The following FBXO4 variants were observed in gnomAD, a reference collection of about 807,000 sequenced individuals.
The protein encoded by FBXO4 is F-box protein 4.
Under a neutral mutation model 43.7 loss-of-function variants are expected in FBXO4, and 36 were observed. The ratio of observed to expected loss-of-function variants is 0.82; its 90% CI spans 0.63 to 1.09. The LOEUF (loss-of-function observed/expected upper bound fraction) is 1.09. Ranked by LOEUF, FBXO4 falls within the 50% of genes least tolerant of loss-of-function variation. The pLI is 0.00. For missense variants in FBXO4, 435 were observed against 474.1 expected (o/e 0.92, Z 0.77); for synonymous variants, 180 against 165.6 (o/e 1.09, Z -0.67).
At chr5:42,030,093 T>C in the FBXO4 span, among the ~76,000 whole-genome samples, 1 of 152,014 alleles carries the variant, frequency 6.6e-6, no homozygotes, top group African/African-American at 2.4e-5. Context: ...CTTCACAGAA[T>C]TGGAAAAAAA....
At chr5:41,998,352 G>A in the FBXO4 span, among the ~76,000 whole-genome samples, 793 of 152,286 alleles carry the variant, frequency 5.2e-3, 9 homozygotes, top group African/African-American at 0.018. Flanking sequence ...AAAGGCATTG[G>A]TTAAGGGTGT....
At chr5:41,998,932 C>T in the FBXO4 span, among the ~76,000 whole-genome samples, 19 of 152,192 alleles carry the variant, frequency 1.2e-4, no homozygotes, top group East Asian at 9.7e-4. Flanking sequence ...AGTTAGAATC[C>T]GTGAGTTCAT....
the FBXO4 span, among the ~76,000 whole-genome samples, chr5:41,948,316 T>C: frequency 3.9e-5 from 6 of 152,068 alleles, no homozygotes; most frequent in African/African-American, 1.2e-4. Context: ...TTTGTATTTT[T>C]AGTAGAGACG....
At chr5:42,019,094 T>C in the FBXO4 span, among the ~76,000 whole-genome samples, 1 of 152,210 alleles carries the variant, frequency 6.6e-6, no homozygotes, top group Non-Finnish European at 1.5e-5. Context: ...TTAATTTCAG[T>C]ACATTTGAAG....
At chr5:41,958,131 ATTT>A in the FBXO4 span, among the ~76,000 whole-genome samples, 133 of 128,776 alleles carry the variant, frequency 1.0e-3, 1 homozygote, top group African/African-American at 3.7e-3. Context: ...CTGTTAACAA[ATTT>A]TTTTTTTTTT....
At chr5:41,967,998 G>A in the FBXO4 span, 2 of 436,456 alleles carry the variant, frequency 4.6e-6, no homozygotes, top group South Asian at 3.7e-5. Context: ...GCCCTTTGTT[G>A]CCAGAGGCCA....
chr5:42,017,104 A>G, the FBXO4 span, among the ~76,000 whole-genome samples: 7 of 152,054 alleles, frequency 4.6e-5, no homozygotes, highest in Non-Finnish European at 7.4e-5. Context: ...TATAGATATA[A>G]CATATGTATC....
the FBXO4 span, among the ~76,000 whole-genome samples, chr5:42,013,297 G>A: frequency 3.9e-5 from 6 of 152,158 alleles, no homozygotes; most frequent in East Asian, 1.2e-3. Context: ...AAGATTGTTA[G>A]GAAAGAAAGG....
chr5:41,942,927 A>G (rs1424072862), downstream of FBXO4, among the ~76,000 whole-genome samples: 1 of 152,136 alleles, frequency 6.6e-6, no homozygotes, highest in Non-Finnish European at 1.5e-5. Flanking sequence ...GGATACTGTA[A>G]AATTTACAAA....
At chr5:42,031,897 G>GTT in the FBXO4 span, among the ~76,000 whole-genome samples, 1 of 151,994 alleles carries the variant, frequency 6.6e-6, no homozygotes, top group Non-Finnish European at 1.5e-5. Context: ...AGGAAGCATC[G>GTT]TAAGTTCAGT....
intron 1 of FBXO4, among the ~76,000 whole-genome samples, chr5:41,926,529 T>C (rs1401528350): frequency 3.3e-5 from 5 of 152,122 alleles, no homozygotes; most frequent in Non-Finnish European, 5.9e-5. Flanking sequence ...GCCGAGATCT[T>C]GCCACTGCAC....
At chr5:41,977,122 A>G in the FBXO4 span, among the ~76,000 whole-genome samples, 1 of 152,084 alleles carries the variant, frequency 6.6e-6, no homozygotes, top group Admixed American at 6.5e-5. Context: ...CCCCCAAACC[A>G]TTCTTTCCTC....
downstream of FBXO4, among the ~76,000 whole-genome samples, chr5:41,944,878 C>T (rs79498594): frequency 0.076 from 11,555 of 152,170 alleles, 603 homozygotes; most frequent in Non-Finnish European, 0.11. Context: ...CTTCACTGGA[C>T]AGGAAACGAA....
chr5:42,016,294 G>A, the FBXO4 span, among the ~76,000 whole-genome samples: 1 of 152,018 alleles, frequency 6.6e-6, no homozygotes, highest in South Asian at 2.1e-4. Flanking sequence ...TGTTGGGGAT[G>A]CTGCAAAGGA....
intron 6 of FBXO4, 43 bp downstream of exon 6, chr5:41,939,659 C>G (rs1435031256): frequency 6.9e-7 from 1 of 1,455,788 alleles, no homozygotes. Flanking sequence ...TTATTTTGCA[C>G]TCTATTTTCT....
At chr5:41,992,654 G>A in the FBXO4 span, among the ~76,000 whole-genome samples, 1 of 152,124 alleles carries the variant, frequency 6.6e-6, no homozygotes, top group African/African-American at 2.4e-5. Flanking sequence ...AATTACAATG[G>A]CCGGTTATTT....
the FBXO4 span, among the ~76,000 whole-genome samples, chr5:41,975,051 G>A: frequency 6.6e-6 from 1 of 152,204 alleles, no homozygotes; most frequent in African/African-American, 2.4e-5. Flanking sequence ...TGCCATAAGA[G>A]TTGATTCTTA....
At chr5:42,020,219 C>T in the FBXO4 span, among the ~76,000 whole-genome samples, 2 of 152,088 alleles carry the variant, frequency 1.3e-5, no homozygotes, top group African/African-American at 4.8e-5. Context: ...TTAAATATAA[C>T]AGCAAAATTA....
chr5:41,956,134 C>G, the FBXO4 span, among the ~76,000 whole-genome samples: 1 of 152,080 alleles, frequency 6.6e-6, no homozygotes, highest in Admixed American at 6.6e-5. Context: ...AGGAGAAAAC[C>G]TATCAATAAT....
Sources: gnomAD v4.1 joint callset for allele counts (sites outside exome capture counted in the v4.1 genomes callset) on GRCh38, gnomAD v4.1.1 for gene constraint, MANE v1.5 for transcripts, NCBI Gene and HGNC (gene_info 2026-07-23, HGNC 2026-07-21) for gene names.